The following TNFRSF9 variants were observed in gnomAD, a reference collection of about 807,000 sequenced individuals.
TNFRSF9 encodes the protein tumor necrosis factor receptor superfamily member 9.
Under a neutral mutation model 28.8 loss-of-function variants are expected in TNFRSF9, and 16 were observed. The ratio of observed to expected loss-of-function variants is 0.55; its 90% CI spans 0.38 to 0.84. The LOEUF is 0.84. Ranked by LOEUF, TNFRSF9 falls within the 40% of genes least tolerant of loss-of-function variation. The pLI, the probability that TNFRSF9 is intolerant of heterozygous loss-of-function variation, is 0.00. For synonymous variants in TNFRSF9, 131 were observed against 117.0 expected, an observed-to-expected ratio of 1.12 and a Z score of -0.77; for missense variants, 303 against 315.0, an observed-to-expected ratio of 0.96 and a Z score of 0.29.
Position 7,915,931 on chromosome 1 carries a change from C to A in TNFRSF9, c.*4904G>T, listed in dbSNP as rs529746205. 1.3e-5 allele frequency: 2 copies of A among 151,734 alleles called. No homozygotes were observed. The highest frequency in any genetic ancestry group is 2.4e-5 in the African/African-American group (1 of 41,378). The allele number at this position is 151,734 out of a possible 1,614,324, so 9.4% of individuals were successfully genotyped here. The stretch of plus-strand genomic sequence containing the variant: ...ATAGTTTTGTGTTTTATTAGATAGT[C>A]TTTTAAATAAAAACGTTGATAAAGA... On this transcript the variant is annotated 3_prime_UTR_variant, in exon 8 of 8. Transcript: ENST00000377507.
At chr1:7,926,976 C>A (rs1393554057) in intron 7 of TNFRSF9, among the ~76,000 whole-genome samples, 1 of 152,076 alleles carries the variant, frequency 6.6e-6, no homozygotes, top group East Asian at 1.9e-4. Flanking sequence ...GTAATCCCAG[C>A]ACTTTGGGAG....
In TNFRSF9 at chr1:7,935,946, G is replaced by A. The variant is rs553662650; in HGVS notation, c.414-803C>T. 2.0e-5 allele frequency among the ~76,000 whole-genome samples: 3 copies of A among 152,256 alleles called. No individual in the cohort carries two copies. In the East Asian group the frequency reaches 5.8e-4, roughly 29 times the overall value. On this transcript the variant is annotated intron_variant, in intron 5 of 7. Transcript: ENST00000377507. ...TGCACATCTGACACGCTGAGTAAATGGTAGCTATCATTATCACCATCATCG... is the reference window on the plus strand; with the variant it reads ...TGCACATCTGACACGCTGAGTAAATAGTAGCTATCATTATCACCATCATCG...
At position 7,923,972 on chromosome 1, in the gene TNFRSF9, A is replaced by G. The variant is rs72633090; in HGVS notation, c.680-3049T>C. Among the ~76,000 whole-genome samples the G allele has an allele frequency of 7.2e-3, 1,097 of 152,316 alleles. 8 individuals are homozygous for G. Among genetic ancestry groups the G allele is most frequent in the Admixed American group, 0.011 (161 of 15,294 alleles). ...ATGAAGAGACATACTATGTTCCTGC[A>G]TTAGAATACAGTCATACAGCGTACA... On this transcript the variant is annotated intron_variant, in intron 7 of 7. Coordinates refer to ENST00000377507, the MANE Select transcript of TNFRSF9 (RefSeq NM_001561.6).
In TNFRSF9 at chr1:7,933,195, C is replaced by T. The variant is rs867452658; in HGVS notation, c.646G>A (p.Gly216Ser). ...LTLRFSVVKR[G>S]RKKLLYIFKQ... ...AATATATACAGGAGTTTCTTTCTGCCCCGTTTAACAACAGAGAAACGGAGC... is the reference window on the plus strand; with the variant it reads ...AATATATACAGGAGTTTCTTTCTGCTCCGTTTAACAACAGAGAAACGGAGC... The change falls in exon 7 of 8, where the codon GGC (glycine) becomes AGC (serine). Residue 216 changes from glycine (G) to serine (S), a missense_variant. Transcript: ENST00000377507. The T allele has an allele frequency of 6.2e-7, 1 of 1,613,548 alleles. No homozygotes were observed. The highest frequency in any genetic ancestry group is 1.1e-5 in the South Asian group (1 of 91,012).
intron 7 of TNFRSF9, among the ~76,000 whole-genome samples, chr1:7,930,260 G>A (rs559414116): frequency 5.3e-5 from 8 of 152,218 alleles, no homozygotes; most frequent in East Asian, 1.9e-4. Flanking sequence ...GAGCCACAGC[G>A]CCCAGCCAGA....
chr1:7,934,855 T>C (rs1469658037), intron 6 of TNFRSF9, among the ~76,000 whole-genome samples, 158 bp downstream of exon 6: 2 of 152,232 alleles, frequency 1.3e-5, no homozygotes, highest in African/African-American at 4.8e-5. Context: ...GAATAACAAA[T>C]GCCTGGGAAG....
rs1005284990 is a variant in TNFRSF9, at chr1:7,918,715, T to G, written c.*2120A>C. On this transcript the variant is annotated 3_prime_UTR_variant, in exon 8 of 8. Transcript: ENST00000377507. ...AAAAAGCATGAGCAAGCATTTTATTTAAAAAAATAAACACAAATGGTATAT... is the reference window on the plus strand; with the variant it reads ...AAAAAGCATGAGCAAGCATTTTATTGAAAAAAATAAACACAAATGGTATAT... 4.6e-5 allele frequency: 7 copies of G among 152,198 alleles called. No individual in the cohort carries two copies. The highest frequency in any genetic ancestry group is 1.7e-4 in the African/African-American group (7 of 41,510). 9.4% of individuals were successfully genotyped at this position (152,198 alleles called of 1,614,324 possible).
chr1:7,920,341 A>C lies in TNFRSF9; in HGVS notation c.*494T>G, dbSNP rs1434379364. ...TTTTTTTATCACCAGCTCTGTCCTCATCTGTCTGTTCTGTTAAAAGTGGTG... is the reference window on the plus strand; with the variant it reads ...TTTTTTTATCACCAGCTCTGTCCTCCTCTGTCTGTTCTGTTAAAAGTGGTG... On this transcript the variant is annotated 3_prime_UTR_variant, in exon 8 of 8. Transcript: ENST00000377507. The C allele has an allele frequency of 1.5e-5, 2 of 137,726 alleles. No homozygotes were observed. 8.5% of individuals were successfully genotyped at this position (137,726 alleles called of 1,614,324 possible).
In TNFRSF9 at chr1:7,935,050, T is replaced by C. The variant is rs1639796886; in HGVS notation, c.507A>G (p.Ala169=). The change falls in exon 6 of 8, where the codon GCA becomes GCG. Residue 169 remains alanine (A), a synonymous_variant. Transcript: ENST00000377507. Reference sequence around the variant, plus strand: ...CAGGGGCAGGCGGGGTCACAGAGGATGCTCCCGGAGAGAGGTCGGCTGGAG... The same window carrying C: ...CAGGGGCAGGCGGGGTCACAGAGGACGCTCCCGGAGAGAGGTCGGCTGGAG... ...GPSPADLSPG[A]SSVTPPAPAR... The C allele has an allele frequency of 1.9e-6, 3 of 1,614,256 alleles. No individual in the cohort carries two copies. The highest frequency in any genetic ancestry group is 2.5e-6 in the Non-Finnish European group (3 of 1,180,044).
At position 7,939,972 on chromosome 1, in the gene TNFRSF9, A is replaced by G. The variant is rs369147413; in HGVS notation, c.23T>C (p.Ile8Thr). Residue 8 changes from isoleucine (I) to threonine (T), a missense_variant, in exon 2 of 8, where the codon ATA becomes ACA. Coordinates refer to ENST00000377507, the MANE Select transcript of TNFRSF9 (RefSeq NM_001561.6). The part of the protein sequence containing the change: MGNSCYN[I>T]VATLLLVLNF... ...GAGGACCAGCAACAGAGTGGCTACT[A>G]TGTTGTAACAGCTGTTTCCCATGAT... 10 of 1,599,154 alleles carry G rather than the reference A, an allele frequency of 6.3e-6. No homozygotes were observed. Among genetic ancestry groups the G allele is most frequent in the African/African-American group, 1.3e-5 (1 of 74,756 alleles).
At chr1:7,925,206 G>A (rs1274847429) in intron 7 of TNFRSF9, among the ~76,000 whole-genome samples, 2 of 151,930 alleles carry the variant, frequency 1.3e-5, no homozygotes, top group African/African-American at 2.4e-5. Context: ...TACTTGGGGG[G>A]CTGAGGCAGG....
Position 7,917,980 on chromosome 1 carries a change from A to G in TNFRSF9, c.*2855T>C. 1 of 103,624 alleles carries G rather than the reference A, an allele frequency of 9.7e-6. No homozygotes were observed. The highest frequency in any genetic ancestry group is 1.6e-5 in the Non-Finnish European group (1 of 62,530). The allele number at this position is 103,624 out of a possible 1,614,324, so 6.4% of individuals were successfully genotyped here. A position where few individuals can be genotyped will look rare whatever the true frequency, so the allele number is the denominator to read the frequency against. ...GATATATATATATATATATATAGAT[A>G]TAGATAGATAGATAGATAGATAGGC... On this transcript the variant is annotated 3_prime_UTR_variant, in exon 8 of 8. Transcript: ENST00000377507.
At chr1:7,937,867 T>C in intron 4 of TNFRSF9, 111 bp from the exon 5 acceptor site, 1 of 934,640 alleles carries the variant, frequency 1.1e-6, no homozygotes. Flanking sequence ...CTGCACAAAT[T>C]GTTCAATAAT....
intron 6 of TNFRSF9, among the ~76,000 whole-genome samples, chr1:7,934,023 C>A (rs547214030): frequency 1.1e-4 from 17 of 151,260 alleles, no homozygotes; most frequent in South Asian, 2.1e-4. Context: ...TCCACCCCCC[C>A]AAAAAAATAA....
chr1:7,932,721 GCACACACACACATA>G (rs1480743569), intron 7 of TNFRSF9, among the ~76,000 whole-genome samples: 1 of 142,624 alleles, frequency 7.0e-6, no homozygotes, highest in Non-Finnish European at 1.5e-5. Flanking sequence ...ACACAGACAC[GCACACACACACATA>G]CACACACACA....
intron 7 of TNFRSF9, chr1:7,921,952 A>G (rs945478771): frequency 2.6e-5 from 4 of 152,172 alleles, no homozygotes; most frequent in African/African-American, 9.7e-5. Context: ...CTGAGATTCG[A>G]GATCCGATGG....
rs9658029 is a variant in TNFRSF9 at position 7,925,798 on chromosome 1, G to A, written c.680-4875C>T. On this transcript the variant is annotated intron_variant, in intron 7 of 7. Transcript: ENST00000377507. ...CATGCTCCTATGAGAATCTAATGCC[G>A]CTGCTGATCTGATGGGAGATGGAGA... Among the ~76,000 whole-genome samples, 1,298 of 152,198 alleles carry A rather than the reference G, an allele frequency of 8.5e-3. 11 individuals are homozygous for A. The highest frequency in any genetic ancestry group is 0.03 in the African/African-American group (1,239 of 41,526).
At chr1:7,935,963 CCAT>C (rs1178488123) in intron 5 of TNFRSF9, among the ~76,000 whole-genome samples, 1 of 152,166 alleles carries the variant, frequency 6.6e-6, no homozygotes, top group Non-Finnish European at 1.5e-5. Flanking sequence ...ATCATTATCA[CCAT>C]CATCGCCATC....
intron 5 of TNFRSF9, among the ~76,000 whole-genome samples, chr1:7,937,330 C>A (rs1033199120): frequency 2.0e-5 from 3 of 152,098 alleles, no homozygotes; most frequent in African/African-American, 7.2e-5. Flanking sequence ...TTATGCCTGG[C>A]TAATTTTTTG....
Sources: gnomAD v4.1 joint callset for allele counts (sites outside exome capture counted in the v4.1 genomes callset) on GRCh38, gnomAD v4.1.1 for gene constraint, MANE v1.5 for transcripts, NCBI Gene and HGNC (gene_info 2026-07-23, HGNC 2026-07-21) for gene names.